GRK5: variants seen among roughly 807,000 people sequenced by gnomAD.
The protein encoded by GRK5 is g protein-coupled receptor kinase GRK5.
In GRK5, 40 loss-of-function variants were observed where a neutral mutation model predicts 78.4. That is an observed-to-expected ratio of 0.51 (90% confidence interval 0.40 to 0.66). The LOEUF (loss-of-function observed/expected upper bound fraction) is 0.66. Ranked by LOEUF, GRK5 falls within the 30% of genes least tolerant of loss-of-function variation. The probability of loss-of-function intolerance (pLI) is 0.00; values close to 1 mark genes in which losing one functional copy is unlikely to be tolerated. For missense variants in GRK5, 598 were observed against 759.9 expected, an observed-to-expected ratio of 0.79 and a Z score of 2.50; for synonymous variants, 289 against 296.8, an observed-to-expected ratio of 0.97 and a Z score of 0.27.
At chr10:119,272,331 C>T (rs555390829) in intron 1 of GRK5, among the ~76,000 whole-genome samples, 125 of 152,264 alleles carry the variant, frequency 8.2e-4, no homozygotes, top group African/African-American at 2.9e-3. Context: ...AATCCCAGCA[C>T]TTTAGGAGGC....
At position 119,410,386 on chromosome 10, in the gene GRK5, A is replaced by G. The variant is rs188967238; in HGVS notation, c.340-12780A>G. ...GTGAAGCCACTGGAATAGCAAAGGA[A>G]ATGTGGGTCAGGGTCTTTCAAACCC... is the stretch of plus-strand genomic sequence containing the variant. On this transcript the variant is annotated intron_variant, in intron 4 of 15. Coordinates refer to ENST00000392870, the MANE Select transcript of GRK5 (RefSeq NM_005308.3). 1.5e-3 allele frequency among the ~76,000 whole-genome samples: 224 copies of G among 152,282 alleles called. 1 individual carries two copies. The highest frequency in any genetic ancestry group is 5.1e-3 in the African/African-American group (212 of 41,554).
At chr10:119,270,247 T>C (rs1397724381) in intron 1 of GRK5, among the ~76,000 whole-genome samples, 1 of 152,246 alleles carries the variant, frequency 6.6e-6, no homozygotes, top group African/African-American at 2.4e-5. Flanking sequence ...TGTACCTTCA[T>C]TGATGTCCAG....
intron 2 of GRK5, among the ~76,000 whole-genome samples, chr10:119,327,546 G>A (rs888471333): frequency 2.6e-5 from 4 of 152,186 alleles, no homozygotes; most frequent in Admixed American, 1.3e-4. Context: ...CAGCTTTTCT[G>A]GGGACTTCTG....
At chr10:119,373,919 A>G (rs1851586154) in intron 2 of GRK5, among the ~76,000 whole-genome samples, 1 of 152,212 alleles carries the variant, frequency 6.6e-6, no homozygotes, top group African/African-American at 2.4e-5. Context: ...CAGCGAGCTG[A>G]ATCGTTGTGA....
At chr10:119,439,694 A>G in intron 9 of GRK5, 37 bp from the exon 10 acceptor site, 1 of 1,611,382 alleles carries the variant, frequency 6.2e-7, no homozygotes, top group African/African-American at 1.3e-5. Flanking sequence ...CCTGCCCAGA[A>G]TGCCCACACT....
At chr10:119,427,161 C>T (rs1345964967) in intron 6 of GRK5, among the ~76,000 whole-genome samples, 4 of 151,822 alleles carry the variant, frequency 2.6e-5, no homozygotes, top group South Asian at 4.2e-4. Context: ...ATCAATATCC[C>T]ACCGCCATCA....
intron 1 of GRK5, among the ~76,000 whole-genome samples, chr10:119,237,481 T>C (rs958911176): frequency 2.0e-5 from 3 of 152,220 alleles, no homozygotes; most frequent in African/African-American, 7.2e-5. Flanking sequence ...ACTGATTTTG[T>C]CATTTAATGC....
chr10:119,453,470 G>C (rs1040865524), intron 15 of GRK5, among the ~76,000 whole-genome samples, 194 bp downstream of exon 15: 1 of 152,172 alleles, frequency 6.6e-6, no homozygotes, highest in South Asian at 2.1e-4. Context: ...CCGGGGAGAA[G>C]GGCAGGGCCA....
chr10:119,365,493 G>T (rs1040257220), intron 2 of GRK5, among the ~76,000 whole-genome samples: 6 of 152,344 alleles, frequency 3.9e-5, no homozygotes, highest in South Asian at 2.1e-4. Context: ...CTGGGAGGGG[G>T]TTTGGAAAGA....
intron 2 of GRK5, among the ~76,000 whole-genome samples, chr10:119,335,459 A>T (rs1156886772): frequency 6.6e-6 from 1 of 151,876 alleles, no homozygotes; most frequent in Non-Finnish European, 1.5e-5. Context: ...TGCCTCCCAG[A>T]TTCAAGCAAT....
intron 1 of GRK5, among the ~76,000 whole-genome samples, chr10:119,231,839 C>T (rs541729544): frequency 2.2e-4 from 33 of 152,116 alleles, no homozygotes; most frequent in African/African-American, 7.2e-4. Flanking sequence ...TAACAAATAC[C>T]GGAGACGATG....
chr10:119,272,599 A>G (rs1180442883), intron 1 of GRK5, among the ~76,000 whole-genome samples: 2 of 148,322 alleles, frequency 1.3e-5, no homozygotes, highest in Non-Finnish European at 3.0e-5. Context: ...AAAAAGAAAG[A>G]AAGAAAGAAA....
intron 1 of GRK5, among the ~76,000 whole-genome samples, chr10:119,278,395 C>T (rs910075259): frequency 4.6e-5 from 7 of 152,120 alleles, no homozygotes; most frequent in African/African-American, 1.7e-4. Flanking sequence ...TGCGTTGACT[C>T]TCTGTAGGGC....
intron 2 of GRK5, among the ~76,000 whole-genome samples, chr10:119,345,231 G>A (rs1851071083): frequency 6.6e-6 from 1 of 152,196 alleles, no homozygotes; most frequent in Non-Finnish European, 1.5e-5. Flanking sequence ...GCCTCCCAAA[G>A]TGCTGGGATT....
Position 119,454,997 on chromosome 10 carries a change from G to A in GRK5, c.1703G>A (p.Ser568Asn), listed in dbSNP as rs1489495103. The A allele has an allele frequency of 1.2e-6, 2 of 1,613,838 alleles. No homozygotes were observed. Among genetic ancestry groups the A allele is most frequent in the South Asian group, 1.1e-5 (1 of 91,080 alleles). The change falls in exon 16 of 16, where the codon AGC becomes AAC. Residue 568 changes from serine to asparagine, a missense_variant. By Grantham distance (46) the Ser-to-Asn change is conservative (BLOSUM62 1). Transcript: ENST00000392870. ...QHQNNSKSSP[S>N]SKTSFNHHIN... The stretch of plus-strand genomic sequence containing the variant: ...CAGAACAATTCCAAGAGTTCGCCCA[G>A]CTCCAAGACCAGTTTTAACCACCAC...
intron 2 of GRK5, among the ~76,000 whole-genome samples, chr10:119,356,411 C>G (rs533716086): frequency 1.2e-4 from 19 of 152,258 alleles, no homozygotes; most frequent in Non-Finnish European, 2.6e-4. Flanking sequence ...AGAAATAATT[C>G]AAAGACTTTA....
intron 1 of GRK5, among the ~76,000 whole-genome samples, chr10:119,277,062 T>G (rs1849682696): frequency 6.6e-6 from 1 of 152,272 alleles, no homozygotes; most frequent in South Asian, 2.1e-4. Context: ...CTGAATCATG[T>G]GACCACGTTT....
At chr10:119,288,648 C>T (rs897996243) in intron 1 of GRK5, among the ~76,000 whole-genome samples, 4 of 152,212 alleles carry the variant, frequency 2.6e-5, no homozygotes, top group African/African-American at 9.7e-5. Flanking sequence ...CGTGACCCCA[C>T]ACCCTGCGTC....
chr10:119,363,259 C>T (rs1449214962), intron 2 of GRK5, among the ~76,000 whole-genome samples: 15 of 146,910 alleles, frequency 1.0e-4, no homozygotes, highest in African/African-American at 3.3e-4. Flanking sequence ...CCAGCCTCGG[C>T]GACAAGAGTG....
Sources: allele counts gnomAD v4.1 joint callset (sites outside exome capture counted in the v4.1 genomes callset), GRCh38; gene constraint gnomAD v4.1.1; transcripts MANE v1.5; gene names NCBI Gene and HGNC (gene_info 2026-07-23, HGNC 2026-07-21).